The following PPP2R5C variants were observed in gnomAD, a reference collection of about 807,000 sequenced individuals.
PPP2R5C encodes protein phosphatase 2 regulatory subunit B'gamma.
PPP2R5C carries 7 observed loss-of-function variants against 68.9 expected under a neutral mutation model. The ratio of observed to expected loss-of-function variants is 0.10; its 90% CI spans 0.06 to 0.19. PPP2R5C has a LOEUF of 0.19. PPP2R5C is among the 10% of genes least tolerant of loss of function. The probability of loss-of-function intolerance (pLI) is 1.00; values close to 1 mark genes in which losing one functional copy is unlikely to be tolerated. For synonymous variants in PPP2R5C, 210 were observed against 222.2 expected, an observed-to-expected ratio of 0.95 and a Z score of 0.49; for missense variants, 348 against 641.3, an observed-to-expected ratio of 0.54 and a Z score of 4.94.
In PPP2R5C at chr14:101,823,695, G is replaced by T; in HGVS notation, c.94+13659G>T. 7 of 942,764 alleles carry T rather than the reference G, an allele frequency of 7.4e-6. No homozygotes were observed. The South Asian group carries it at 2.3e-4, about 32-fold the overall frequency. 58.4% of individuals were successfully genotyped at this position (942,764 alleles called of 1,614,324 possible). ...CAACTTGTCTGAGGTCCAAGAAGGA[G>T]CTGGTGACAGAGACCAGATACCGGA... On this transcript the variant is annotated intron_variant, in intron 1 of 13. Transcript: ENST00000334743.
At chr14:101,853,640 T>A (rs554063870) in intron 1 of PPP2R5C, among the ~76,000 whole-genome samples, 8 of 152,298 alleles carry the variant, frequency 5.3e-5, no homozygotes, top group Admixed American at 2.0e-4. Flanking sequence ...AACATCCTTT[T>A]GAGTTTCAGT....
intron 10 of PPP2R5C, among the ~76,000 whole-genome samples, chr14:101,907,983 G>C (rs1435389265): frequency 6.6e-6 from 1 of 152,180 alleles, no homozygotes; most frequent in Non-Finnish European, 1.5e-5. Context: ...ATTCAACAGA[G>C]AAGGGCAGGC....
intron 1 of PPP2R5C, among the ~76,000 whole-genome samples, chr14:101,815,233 A>C (rs1286614187): frequency 6.6e-6 from 1 of 152,178 alleles, no homozygotes; most frequent in Non-Finnish European, 1.5e-5. Flanking sequence ...TTTGAGCCTC[A>C]GTCAGTCTGA....
At chr14:101,897,262 G>T (rs1332598196) in intron 8 of PPP2R5C, among the ~76,000 whole-genome samples, 1 of 152,098 alleles carries the variant, frequency 6.6e-6, no homozygotes, top group Non-Finnish European at 1.5e-5. Flanking sequence ...ACATGTTTAG[G>T]TAGGAAAAAG....
chr14:101,800,504 A>C (rs1017512955), intron 3 of PPP2R5C, among the ~76,000 whole-genome samples: 2 of 152,158 alleles, frequency 1.3e-5, no homozygotes, highest in Admixed American at 6.5e-5. Flanking sequence ...CAGAGGTTGC[A>C]GTGAGCCAAG....
chr14:101,822,953 T>TA (rs1053120175), intron 1 of PPP2R5C, among the ~76,000 whole-genome samples: 1 of 152,206 alleles, frequency 6.6e-6, no homozygotes, highest in Non-Finnish European at 1.5e-5. Context: ...AACATCAACT[T>TA]ACAAAAACCA....
upstream of PPP2R5C, among the ~76,000 whole-genome samples, chr14:101,809,400 AAAAAC>A (rs1407653681): frequency 6.6e-6 from 1 of 150,906 alleles, no homozygotes; most frequent in Non-Finnish European, 1.5e-5. Flanking sequence ...GTTAAAAAAA[AAAAAC>A]AAAAAAAAAA....
intron 2 of PPP2R5C, among the ~76,000 whole-genome samples, chr14:101,775,983 G>A (rs1177626295): frequency 6.6e-6 from 1 of 151,976 alleles, no homozygotes; most frequent in Non-Finnish European, 1.5e-5. Flanking sequence ...GCTTCCATTT[G>A]AGTGGCCGAC....
intron 1 of PPP2R5C, among the ~76,000 whole-genome samples, chr14:101,828,507 A>G (rs535456488): frequency 6.6e-6 from 1 of 152,256 alleles, no homozygotes; most frequent in South Asian, 2.1e-4. Flanking sequence ...CAAGGCAAGG[A>G]TACTCTGTAT....
intron 9 of PPP2R5C, among the ~76,000 whole-genome samples, chr14:101,904,953 G>A (rs974525338): frequency 2.6e-5 from 4 of 152,270 alleles, no homozygotes; most frequent in Admixed American, 2.6e-4. Context: ...ACTACGGAGA[G>A]AAAAAGCAAA....
chr14:101,777,948 A>T (rs2037504912), intron 2 of PPP2R5C, among the ~76,000 whole-genome samples: 1 of 151,588 alleles, frequency 6.6e-6, no homozygotes, highest in Non-Finnish European at 1.5e-5. Context: ...ATTTTTTTTT[A>T]ATGTAGAAAA....
At chr14:101,865,031 CG>C (rs1375688512) in intron 2 of PPP2R5C, among the ~76,000 whole-genome samples, 3 of 152,022 alleles carry the variant, frequency 2.0e-5, no homozygotes, top group Non-Finnish European at 4.4e-5. Flanking sequence ...AAACACGATT[CG>C]GGGTGGATTT....
chr14:101,826,966 T>C (rs1022181513), intron 1 of PPP2R5C, among the ~76,000 whole-genome samples: 9 of 150,080 alleles, frequency 6.0e-5, no homozygotes, highest in Non-Finnish European at 1.3e-4. Flanking sequence ...TAAAAATGTT[T>C]AACTTTTTTT....
At chr14:101,893,463 G>A (rs984736841) in intron 7 of PPP2R5C, among the ~76,000 whole-genome samples, 1 of 152,132 alleles carries the variant, frequency 6.6e-6, no homozygotes, top group African/African-American at 2.4e-5. Flanking sequence ...AATGGCCTAT[G>A]AAAACGTTTT....
intron 13 of PPP2R5C, among the ~76,000 whole-genome samples, chr14:101,919,142 C>T (rs547071233): frequency 1.3e-5 from 2 of 152,366 alleles, no homozygotes; most frequent in Admixed American, 6.5e-5. Context: ...GGCTCCTTTC[C>T]GGAGTTGCAC....
chr14:101,809,941 A>C, exon 1 of PPP2R5C: 1 of 1,613,524 alleles, frequency 6.2e-7, no homozygotes, highest in South Asian at 1.1e-5. Context: ...GCTGAAGTCT[A>C]GATGTTGACA....
At position 101,795,367 on chromosome 14, in the gene PPP2R5C, A is replaced by T. The variant is rs572770206; in HGVS notation, c.259+9184A>T. On this transcript the variant is annotated intron_variant, in intron 3 of 14. Coordinates refer to the PPP2R5C transcript ENST00000328724. ...TAAAAGTTGTAGTTATTTGATAAGT[A>T]GAAAAAGGTATTTCATATTTTTATT... is the stretch of plus-strand genomic sequence containing the variant. Among the ~76,000 whole-genome samples, 78 of 152,212 alleles carry T rather than the reference A, an allele frequency of 5.1e-4. 1 individual carries two copies. Among genetic ancestry groups the T allele is most frequent in the Non-Finnish European group, 9.1e-4 (62 of 68,026 alleles).
chr14:101,835,167 T>G lies in PPP2R5C; in HGVS notation c.95-21519T>G, dbSNP rs1223427459. On this transcript the variant is annotated intron_variant, in intron 1 of 13. Coordinates refer to ENST00000334743, the Ensembl canonical transcript of PPP2R5C. This position sits in a 1 kb window ranked among gnomAD's most constrained non-coding sequence, Gnocchi z 5.0. The stretch of plus-strand genomic sequence containing the variant: ...GGTAGGCTGGACACTGGGCTGCTCC[T>G]CATGGCGGTGGGAGCATGGGCTGCT... 6.6e-6 allele frequency among the ~76,000 whole-genome samples: 1 copy of G among 152,184 alleles called. No individual in the cohort carries two copies. The highest frequency in any genetic ancestry group is 6.5e-5 in the Admixed American group (1 of 15,286).
At chr14:101,808,216 G>C (rs528623907), upstream of PPP2R5C, among the ~76,000 whole-genome samples, 2 of 151,796 alleles carry the variant, frequency 1.3e-5, no homozygotes, top group Admixed American at 1.3e-4. Flanking sequence ...AGCAGTGAAG[G>C]CTTAGAGGCA....
Sources: gnomAD v4.1 joint callset for allele counts (sites outside exome capture counted in the v4.1 genomes callset) on GRCh38, gnomAD v4.1.1 for gene constraint, Gnocchi (gnomAD v3.1) non-coding constraint, MANE v1.5 for transcripts, NCBI Gene and HGNC (gene_info 2026-07-23, HGNC 2026-07-21) for gene names.